The following CD28 variants were observed in gnomAD, a reference collection of about 807,000 sequenced individuals.
CD28 encodes T-cell-specific surface glycoprotein CD28.
CD28 carries 8 observed loss-of-function variants against 21.4 expected under a neutral mutation model. The ratio of observed to expected loss-of-function variants is 0.37; its 90% CI spans 0.22 to 0.68. The LOEUF (loss-of-function observed/expected upper bound fraction) is 0.68. Among genes scored for constraint, CD28 ranks in the 30% least tolerant of loss-of-function variants. CD28 has a pLI of 0.55. For synonymous variants in CD28, 106 were observed against 104.0 expected (o/e 1.02, Z -0.12); for missense variants, 239 against 272.2 (o/e 0.88, Z 0.86).
intron 1 of CD28, among the ~76,000 whole-genome samples, chr2:203,713,199 T>C (rs1693362727): frequency 6.6e-6 from 1 of 152,230 alleles, no homozygotes; most frequent in Admixed American, 6.5e-5. Context: ...AAGGATAGAA[T>C]ACTGGTAACA....
intron 3 of CD28, among the ~76,000 whole-genome samples, chr2:203,731,453 C>T (rs900318414): frequency 6.6e-6 from 1 of 152,216 alleles, no homozygotes; most frequent in Non-Finnish European, 1.5e-5. Flanking sequence ...AACTTAAAGG[C>T]CAGGTGCAGT....
At chr2:203,713,191 G>A (rs983499683) in intron 1 of CD28, among the ~76,000 whole-genome samples, 4 of 152,184 alleles carry the variant, frequency 2.6e-5, no homozygotes, top group Non-Finnish European at 4.4e-5. Context: ...GCTAAGCAAA[G>A]GATAGAATAC....
At chr2:203,722,598 T>A (rs191125675) in intron 1 of CD28, among the ~76,000 whole-genome samples, 64 of 152,350 alleles carry the variant, frequency 4.2e-4, no homozygotes, top group Non-Finnish European at 6.5e-4. Flanking sequence ...TAAAGAAGCA[T>A]AACATGTGGT....
intron 1 of CD28, among the ~76,000 whole-genome samples, chr2:203,708,093 T>C (rs533242614): frequency 1.3e-5 from 2 of 152,322 alleles, no homozygotes; most frequent in East Asian, 3.9e-4. Flanking sequence ...TTCTTTCTTA[T>C]TTTGGCAGTA....
At chr2:203,718,807 C>T (rs1352493070) in intron 1 of CD28, among the ~76,000 whole-genome samples, 1 of 152,162 alleles carries the variant, frequency 6.6e-6, no homozygotes, top group African/African-American at 2.4e-5. Context: ...AAGGATTTTC[C>T]TAGTGAAGTT....
At chr2:203,722,732 C>T (rs956132577) in intron 1 of CD28, among the ~76,000 whole-genome samples, 7 of 152,136 alleles carry the variant, frequency 4.6e-5, no homozygotes, top group Non-Finnish European at 1.0e-4. Flanking sequence ...GTCAAGTGAG[C>T]GATACAGATA....
intron 1 of CD28, among the ~76,000 whole-genome samples, chr2:203,713,856 A>G (rs1475554938): frequency 5.1e-5 from 2 of 38,894 alleles, no homozygotes; most frequent in African/African-American, 8.5e-5. Context: ...AGAGAGGGAG[A>G]GAGAGAGAGA....
At chr2:203,712,359 G>T (rs2106109470) in intron 1 of CD28, among the ~76,000 whole-genome samples, 1 of 152,146 alleles carries the variant, frequency 6.6e-6, no homozygotes, top group South Asian at 2.1e-4. Flanking sequence ...ATAACACTTG[G>T]CAGTCACTAC....
At chr2:203,730,599 G>A (rs1055125082) in intron 3 of CD28, among the ~76,000 whole-genome samples, 4 of 152,164 alleles carry the variant, frequency 2.6e-5, no homozygotes, top group African/African-American at 9.7e-5. Flanking sequence ...ATGCATGGAT[G>A]AGTCATTTCT....
intron 1 of CD28, among the ~76,000 whole-genome samples, chr2:203,709,411 T>G (rs1693254080): frequency 6.6e-6 from 1 of 152,248 alleles, no homozygotes; most frequent in African/African-American, 2.4e-5. Context: ...AATTTAATAA[T>G]GTAACTTATT....
At chr2:203,711,119 A>C (rs1693299859) in intron 1 of CD28, among the ~76,000 whole-genome samples, 1 of 152,110 alleles carries the variant, frequency 6.6e-6, no homozygotes, top group Non-Finnish European at 1.5e-5. Flanking sequence ...AGCACCAAAA[A>C]CCCAAAACCA....
intron 1 of CD28, among the ~76,000 whole-genome samples, chr2:203,720,506 T>C (rs769896108): frequency 1.1e-4 from 17 of 152,174 alleles, no homozygotes; most frequent in Non-Finnish European, 2.1e-4. Context: ...CCAAGTAGCC[T>C]AAGAAGAATG....
At chr2:203,723,225 T>C (rs987199909) in intron 1 of CD28, among the ~76,000 whole-genome samples, 6 of 152,162 alleles carry the variant, frequency 3.9e-5, no homozygotes, top group Non-Finnish European at 8.8e-5. Flanking sequence ...ACAAATCACA[T>C]ATCTGATAAG....
chr2:203,721,545 C>T (rs1581507719), intron 1 of CD28, among the ~76,000 whole-genome samples: 1 of 152,018 alleles, frequency 6.6e-6, no homozygotes, highest in South Asian at 2.1e-4. Context: ...CCAGCCCAAA[C>T]ACACACTCTC....
Position 203,726,914 on chromosome 2 carries a change from T to C in CD28, c.334T>C (p.Cys112Arg). 6.2e-7 allele frequency: 1 copy of C among 1,613,794 alleles called. No homozygotes were observed. Among genetic ancestry groups the C allele is most frequent in the Non-Finnish European group, 8.5e-7 (1 of 1,179,668 alleles). The change falls in exon 2 of 4, where the codon TGC becomes CGC. Residue 112 changes from cysteine to arginine, a missense_variant. Transcript: ENST00000324106. ...LYVNQTDIYF[C>R]KIEVMYPPPY... is the part of the protein sequence containing the mutation. ...TGTTAACCAAACAGATATTTACTTC[T>C]GCAAAATTGAAGTTATGTATCCTCC... is the stretch of plus-strand genomic sequence containing the variant.
chr2:203,722,249 T>G (rs1693622874), intron 1 of CD28, among the ~76,000 whole-genome samples: 1 of 152,170 alleles, frequency 6.6e-6, no homozygotes, highest in African/African-American at 2.4e-5. Context: ...AGGCATTGCT[T>G]GCTGGAGTTG....
In CD28 at chr2:203,726,772, A is replaced by G; in HGVS notation, c.192A>G (p.Glu64=). 1 of 1,614,146 alleles carries G rather than the reference A, an allele frequency of 6.2e-7. No individual in the cohort carries two copies. The highest frequency in any genetic ancestry group is 8.5e-7 in the Non-Finnish European group (1 of 1,180,006). The change falls in exon 2 of 4, where the codon GAA becomes GAG. Residue 64 remains glutamate (E), a synonymous_variant. Transcript: ENST00000324106. ...ACAAAGGACTGGATAGTGCTGTGGAAGTCTGTGTTGTATATGGGAATTACT... is the reference window on the plus strand; with the variant it reads ...ACAAAGGACTGGATAGTGCTGTGGAGGTCTGTGTTGTATATGGGAATTACT... The part of the protein sequence containing the change: ...SLHKGLDSAV[E]VCVVYGNYSQ...
chr2:203,733,575 G>A (rs1277482829), intron 3 of CD28, among the ~76,000 whole-genome samples: 4 of 152,032 alleles, frequency 2.6e-5, no homozygotes, highest in African/African-American at 9.7e-5. Context: ...AGGGAAAGAG[G>A]ATAGAGAAGA....
In CD28 at chr2:203,734,938, C is replaced by T. The variant is rs201276180; in HGVS notation, c.*26C>T. The T allele has an allele frequency of 1.9e-5, 30 of 1,609,898 alleles. No individual in the cohort carries two copies. The highest frequency in any genetic ancestry group is 4.5e-5 in the East Asian group (2 of 44,862). On this transcript the variant is annotated 3_prime_UTR_variant, in exon 4 of 4. Coordinates refer to ENST00000324106, the MANE Select transcript of CD28 (RefSeq NM_006139.4). The stretch of plus-strand genomic sequence containing the variant: ...CACGGACGCCTATCCAGAAGCCAGC[C>T]GGCTGGCAGCCCCCATCTGCTCAAT...
Sources: gnomAD v4.1 joint callset for allele counts (sites outside exome capture counted in the v4.1 genomes callset) on GRCh38, gnomAD v4.1.1 for gene constraint, MANE v1.5 for transcripts, NCBI Gene and HGNC (gene_info 2026-07-23, HGNC 2026-07-21) for gene names.